Variants in VEZF1 observed in about 807,000 individuals in gnomAD.
VEZF1 encodes vascular endothelial zinc finger 1.
In VEZF1, 5 loss-of-function variants were observed where a neutral mutation model predicts 44.1. The observed-to-expected ratio is 0.11, with a 90% CI of 0.06 to 0.24. The LOEUF (loss-of-function observed/expected upper bound fraction) is 0.24, where lower values mean the gene tolerates loss of function less well. Among genes scored for constraint, VEZF1 ranks in the 10% least tolerant of loss-of-function variants. VEZF1 has a pLI of 1.00. For synonymous variants in VEZF1, 236 were observed against 233.1 expected, an observed-to-expected ratio of 1.01 and a Z score of -0.11; for missense variants, 358 against 641.8, an observed-to-expected ratio of 0.56 and a Z score of 4.78.
At position 57,982,764 on chromosome 17, in the gene VEZF1, C is replaced by G. The variant is rs754040984; in HGVS notation, c.663G>C (p.Val221=). ...TGGTGATGCCTCCTTCATGAGACCT[C>G]ACATGGTAAGTCATCCGGTCCTTCC... is the stretch of plus-strand genomic sequence containing the variant. ...FKRKDRMTYH[V]RSHEGGITKP... Residue 221 remains valine, a synonymous_variant, in exon 2 of 6, where the codon GTG becomes GTC. Coordinates refer to ENST00000581208, the MANE Select transcript of VEZF1 (RefSeq NM_007146.3). The G allele has an allele frequency of 9.9e-6, 16 of 1,614,106 alleles. No homozygotes were observed. Among genetic ancestry groups the G allele is most frequent in the African/African-American group, 1.3e-5 (1 of 74,950 alleles).
At chr17:57,986,859 A>T (rs1035787720) in intron 1 of VEZF1, among the ~76,000 whole-genome samples, 12 of 152,220 alleles carry the variant, frequency 7.9e-5, no homozygotes, top group Admixed American at 7.2e-4. Flanking sequence ...TTCACGAAGT[A>T]TTCAAAGGAA....
At chr17:57,983,810 A>G (rs927569391) in intron 1 of VEZF1, among the ~76,000 whole-genome samples, 1 of 152,230 alleles carries the variant, frequency 6.6e-6, no homozygotes, top group African/African-American at 2.4e-5. Flanking sequence ...ACTCACATAC[A>G]TGCAATAACA....
intron 3 of VEZF1, among the ~76,000 whole-genome samples, chr17:57,981,615 T>C (rs1190938442): frequency 6.6e-6 from 1 of 152,172 alleles, no homozygotes; most frequent in Non-Finnish European, 1.5e-5. Flanking sequence ...AACTTTTTTT[T>C]CCTAACAAAA....
chr17:57,984,394 A>G (rs1385658462), intron 1 of VEZF1, among the ~76,000 whole-genome samples: 1 of 152,206 alleles, frequency 6.6e-6, no homozygotes, highest in African/African-American at 2.4e-5. Context: ...CCATACTGAT[A>G]AACATTTAGG....
intron 3 of VEZF1, 27 bp downstream of exon 3, chr17:57,981,846 C>T: frequency 6.2e-7 from 1 of 1,606,668 alleles, no homozygotes; most frequent in Admixed American, 1.7e-5. Flanking sequence ...AAGTGCTACA[C>T]TAAGGATAAG....
At position 57,973,444 on chromosome 17, in the gene VEZF1, A is replaced by C. The variant is rs980196127; in HGVS notation, c.*1029T>G. 2.0e-5 allele frequency: 3 copies of C among 152,676 alleles called. No homozygotes were observed. Among genetic ancestry groups the C allele is most frequent in the African/African-American group, 7.2e-5 (3 of 41,468 alleles). The allele number at this position is 152,676 out of a possible 1,614,324, so 9.5% of individuals were successfully genotyped here. On this transcript the variant is annotated 3_prime_UTR_variant, in exon 6 of 6. Coordinates refer to ENST00000581208, the MANE Select transcript of VEZF1 (RefSeq NM_007146.3). ...CATACACTACCTAGTTAGTGGTTAG[A>C]ATAAAAACTGTATACAATTTAATAT...
At chr17:57,981,985 A>G in intron 2 of VEZF1, 49 bp from the exon 3 acceptor site, 2 of 1,581,120 alleles carry the variant, frequency 1.3e-6, no homozygotes, top group South Asian at 2.2e-5. Context: ...CACATAGAGA[A>G]ATGCTACTTA....
At position 57,971,778 on chromosome 17, in the gene VEZF1, C is replaced by G. The variant is rs1046134772; in HGVS notation, c.*2695G>C. 5 of 152,602 alleles carry G rather than the reference C, an allele frequency of 3.3e-5. No individual in the cohort carries two copies. Among genetic ancestry groups the G allele is most frequent in the African/African-American group, 1.2e-4 (5 of 41,448 alleles). 9.5% of individuals were successfully genotyped at this position (152,602 alleles called of 1,614,324 possible). ...TGTCAGATTTAAGGATTATCTAATACAACTGTTTAGCTGCCAATCTGATAA... is the reference window on the plus strand; with the variant it reads ...TGTCAGATTTAAGGATTATCTAATAGAACTGTTTAGCTGCCAATCTGATAA... On this transcript the variant is annotated 3_prime_UTR_variant, in exon 6 of 6. Transcript: ENST00000581208.
chr17:57,985,691 G>A (rs1009768586), intron 1 of VEZF1, among the ~76,000 whole-genome samples: 1 of 152,314 alleles, frequency 6.6e-6, no homozygotes, highest in Non-Finnish European at 1.5e-5. Flanking sequence ...TCATCACCCA[G>A]GGTAGTAGGA....
rs202205648 is a variant in VEZF1 at position 57,974,911 on chromosome 17, A to T, written c.1139-11T>A. Reference sequence around the variant, plus strand: ...ACAGGTTAGCAGCTTCTAAAATAAGAAGAAAAAGGGTCTTTAGATTCTCAA... The same window carrying T: ...ACAGGTTAGCAGCTTCTAAAATAAGTAGAAAAAGGGTCTTTAGATTCTCAA... On this transcript the variant is annotated splice_polypyrimidine_tract_variant and intron_variant, in intron 5 of 5. Transcript: ENST00000581208. 7.2e-4 allele frequency: 1,147 copies of T among 1,601,536 alleles called. 1 individual carries two copies. The highest frequency in any genetic ancestry group is 8.3e-4 in the Non-Finnish European group (974 of 1,170,264).
intron 1 of VEZF1, 99 bp from the exon 2 acceptor site, chr17:57,983,492 G>A: frequency 9.4e-7 from 1 of 1,060,784 alleles, no homozygotes; most frequent in Non-Finnish European, 1.4e-6. Context: ...AACAGTCAAA[G>A]AACCTATAAG....
chr17:57,986,420 T>C (rs1039125342), intron 1 of VEZF1, among the ~76,000 whole-genome samples: 13 of 152,204 alleles, frequency 8.5e-5, no homozygotes, highest in African/African-American at 3.1e-4. Flanking sequence ...TTGAGCTTTT[T>C]TCTGGGGAAA....
intron 5 of VEZF1, among the ~76,000 whole-genome samples, chr17:57,978,468 T>TGTAC (rs1383965944): frequency 6.6e-6 from 1 of 152,230 alleles, no homozygotes; most frequent in East Asian, 1.9e-4. Flanking sequence ...AAGCCAAAGC[T>TGTAC]GTACTAGTAA....
chr17:57,986,948 G>A (rs1392719851), intron 1 of VEZF1, among the ~76,000 whole-genome samples: 2 of 152,182 alleles, frequency 1.3e-5, no homozygotes, highest in East Asian at 1.9e-4. Context: ...GTTTCCCCGT[G>A]AGCTCATCGC....
chr17:57,976,229 T>C (rs1362450984), intron 5 of VEZF1, among the ~76,000 whole-genome samples: 1 of 152,148 alleles, frequency 6.6e-6, no homozygotes. Context: ...ATACTTGAAC[T>C]AAAGATAGAG....
At chr17:57,987,938 C>T (rs2143392119) in intron 1 of VEZF1, 141 bp downstream of exon 1, 1 of 157,960 alleles carries the variant, frequency 6.3e-6, no homozygotes, top group Non-Finnish European at 1.4e-5. Flanking sequence ...CCGGGGCGGG[C>T]GGGCGGAAAA....
chr17:57,979,333 A>T lies in VEZF1; in HGVS notation c.977-20T>A, dbSNP rs1194363022. Reference sequence around the variant, plus strand: ...TGCATGCTATTACAAAGACAAACCAAAAACACTGTATCTACCTGTAAAACT... The same window carrying T: ...TGCATGCTATTACAAAGACAAACCATAAACACTGTATCTACCTGTAAAACT... On this transcript the variant is annotated intron_variant, in intron 4 of 5. Transcript: ENST00000581208. 1 of 1,612,994 alleles carries T rather than the reference A, an allele frequency of 6.2e-7. No individual in the cohort carries two copies. The highest frequency in any genetic ancestry group is 8.5e-7 in the Non-Finnish European group (1 of 1,179,578).
At chr17:57,981,051 G>A (rs1429559917) in intron 3 of VEZF1, among the ~76,000 whole-genome samples, 1 of 152,170 alleles carries the variant, frequency 6.6e-6, no homozygotes, top group Non-Finnish European at 1.5e-5. Flanking sequence ...GGTTTAAGTT[G>A]AGCTCCACAA....
rs1278030851 is a variant in VEZF1 at position 57,972,700 on chromosome 17, A to C, written c.*1773T>G. 1 of 152,558 alleles carries C rather than the reference A, an allele frequency of 6.6e-6. No homozygotes were observed. Among genetic ancestry groups the C allele is most frequent in the South Asian group, 2.1e-4 (1 of 4,826 alleles). The allele number at this position is 152,558 out of a possible 1,614,324, so 9.5% of individuals were successfully genotyped here. A position where few individuals can be genotyped will look rare whatever the true frequency, so the allele number is the denominator to read the frequency against. ...AATGTGTTGCCTTCCTGCTAAACAG[A>C]AAGTTCCTAAGCTTTTATATATACA... On this transcript the variant is annotated 3_prime_UTR_variant, in exon 6 of 6. Coordinates refer to ENST00000581208, the MANE Select transcript of VEZF1 (RefSeq NM_007146.3).
Sources: allele counts gnomAD v4.1 joint callset (sites outside exome capture counted in the v4.1 genomes callset), GRCh38; gene constraint gnomAD v4.1.1; transcripts MANE v1.5; gene names NCBI Gene and HGNC (gene_info 2026-07-23, HGNC 2026-07-21).